Variants in SLC20A2 observed in about 807,000 individuals in gnomAD.
The protein encoded by SLC20A2 is sodium-dependent phosphate transporter 2.
In SLC20A2, 30 loss-of-function variants were observed where a neutral mutation model predicts 61.0. The observed-to-expected ratio is 0.49, with a 90% confidence interval of 0.37 to 0.67. The LOEUF is 0.67. Among genes scored for constraint, SLC20A2 ranks in the 30% least tolerant of loss-of-function variants. The pLI, the probability that SLC20A2 is intolerant of heterozygous loss-of-function variation, is 0.00. For synonymous variants in SLC20A2, 351 were observed against 353.3 expected (o/e 0.99, Z 0.07); for missense variants, 626 against 866.4 (o/e 0.72, Z 3.48).
chr8:42,492,749 C>A (rs111546809), intron 1 of SLC20A2, among the ~76,000 whole-genome samples: 4 of 151,542 alleles, frequency 2.6e-5, no homozygotes, highest in South Asian at 4.2e-4. Context: ...AGTGCAGTGG[C>A]GCCATCTCGG....
intron 1 of SLC20A2, among the ~76,000 whole-genome samples, chr8:42,517,814 C>T (rs1811405491): frequency 6.6e-6 from 1 of 152,060 alleles, no homozygotes; most frequent in Non-Finnish European, 1.5e-5. Flanking sequence ...GAGAAGACAT[C>T]CAGAAACTAA....
chr8:42,506,050 C>T (rs1407770507), upstream of SLC20A2, among the ~76,000 whole-genome samples: 1 of 152,130 alleles, frequency 6.6e-6, no homozygotes, highest in Non-Finnish European at 1.5e-5. Flanking sequence ...CAAGGATTCT[C>T]CTGCCTCAGC....
chr8:42,512,675 G>A (rs1343639337), intron 1 of SLC20A2, among the ~76,000 whole-genome samples: 1 of 152,010 alleles, frequency 6.6e-6, no homozygotes, highest in African/African-American at 2.4e-5. Context: ...TCAATAAGAT[G>A]GATAAAAATG....
chr8:42,485,968 T>C (rs1317424721), intron 1 of SLC20A2, among the ~76,000 whole-genome samples: 1 of 150,986 alleles, frequency 6.6e-6, no homozygotes, highest in African/African-American at 2.4e-5. Context: ...AAAGAAAACT[T>C]GGGGCTAGAG....
At chr8:42,518,026 C>T (rs1194358035) in intron 1 of SLC20A2, among the ~76,000 whole-genome samples, 1 of 152,166 alleles carries the variant, frequency 6.6e-6, no homozygotes, top group Admixed American at 6.5e-5. Context: ...CTGCAACCTC[C>T]GCCTCCCAGG....
intron 5 of SLC20A2, among the ~76,000 whole-genome samples, chr8:42,446,169 T>C (rs1021479372): frequency 6.6e-6 from 1 of 152,206 alleles, no homozygotes; most frequent in African/African-American, 2.4e-5. Context: ...AACTCTTCTT[T>C]GAAGCATCAA....
chr8:42,504,852 CAAAAAAAAAAAA>C (rs771127709), upstream of SLC20A2, among the ~76,000 whole-genome samples: 30 of 16,494 alleles, frequency 1.8e-3, no homozygotes, highest in East Asian at 0.01. Flanking sequence ...GACTCCGTCT[CAAAAAAAAAAAA>C]AAAAAAAAAA....
At chr8:42,535,427 G>C (rs997671475) in intron 1 of SLC20A2, 1 of 150,938 alleles carries the variant, frequency 6.6e-6, no homozygotes, top group Non-Finnish European at 1.5e-5. Flanking sequence ...TTTCAGCTAA[G>C]ACTGAAAAAT....
At chr8:42,541,374 G>C (rs1213674205) in intron 1 of SLC20A2, 1 of 147,788 alleles carries the variant, frequency 6.8e-6, no homozygotes, top group Non-Finnish European at 1.5e-5. Flanking sequence ...AGTCGGGCCG[G>C]GGGCTCGCGG....
rs1316718967 is a variant in SLC20A2, at chr8:42,437,167, C to CCTCCGCCTCGAT, written c.1333_1344dup (p.Ile445_Glu448dup). ...GCCAGCTTCATCTCCACGCCGCCCT[C>CCTCCGCCTCGAT]CTCCGCCTCGATCTCCGCCTCTGCC... On this transcript the variant is annotated inframe_insertion, in exon 8 of 11. Transcript: ENST00000520262. The surrounding 1 kb of genome is among the most constrained non-coding windows in gnomAD (Gnocchi z 6.4). 4.3e-6 allele frequency: 7 copies of CCTCCGCCTCGAT among 1,613,688 alleles called. No individual in the cohort carries two copies. Among genetic ancestry groups the CCTCCGCCTCGAT allele is most frequent in the Non-Finnish European group, 5.9e-6 (7 of 1,180,032 alleles).
In SLC20A2 at chr8:42,417,959, C is replaced by G. The variant is rs761069656; in HGVS notation, c.1803G>C (p.Ser601=). ...AGCGGATCCAGCCCACGGCCACCAC[C>G]GAGCCCACCTGTGGGAGCAGACATT... ...PVSTTHCKVG[S]VVAVGWIRSR... is the part of the protein sequence containing the mutation. The change falls in exon 11 of 11, where the codon TCG becomes TCC. Residue 601 remains serine, a synonymous_variant. Coordinates refer to ENST00000520262, the MANE Select transcript of SLC20A2 (RefSeq NM_001257180.2). The G allele has an allele frequency of 9.9e-6, 16 of 1,613,268 alleles. No homozygotes were observed. The highest frequency in any genetic ancestry group is 1.7e-5 in the Admixed American group (1 of 59,968).
intron 5 of SLC20A2, among the ~76,000 whole-genome samples, chr8:42,449,095 T>C (rs1393813264): frequency 6.6e-6 from 1 of 152,170 alleles, no homozygotes; most frequent in Non-Finnish European, 1.5e-5. Flanking sequence ...TTGACAAAAA[T>C]ACTTTCTATT....
Position 42,444,637 on chromosome 8 carries a change from G to A in SLC20A2, c.730+9C>T. On this transcript the variant is annotated intron_variant, in intron 6 of 10. Coordinates refer to ENST00000520262, the MANE Select transcript of SLC20A2 (RefSeq NM_001257180.2). ...TTTCTGTAAATCAGAAGAATTAAAA[G>A]GCCCATACCTGTTATTTTCCTCCGC... 1 of 1,599,090 alleles carries A rather than the reference G, an allele frequency of 6.3e-7. No homozygotes were observed. The highest frequency in any genetic ancestry group is 8.6e-7 in the Non-Finnish European group (1 of 1,167,054).
At chr8:42,511,494 G>A (rs1050905365) in intron 1 of SLC20A2, among the ~76,000 whole-genome samples, 4 of 152,046 alleles carry the variant, frequency 2.6e-5, no homozygotes, top group Admixed American at 6.6e-5. Flanking sequence ...GGGCGTGGTA[G>A]CGGGTGCCTG....
chr8:42,528,928 A>C (rs1812154247), intron 1 of SLC20A2, among the ~76,000 whole-genome samples: 1 of 150,854 alleles, frequency 6.6e-6, no homozygotes, highest in Non-Finnish European at 1.5e-5. Flanking sequence ...CAGCCTCCCA[A>C]AGTGCTGGGA....
intron 1 of SLC20A2, among the ~76,000 whole-genome samples, chr8:42,475,613 G>A (rs989607674): frequency 2.0e-5 from 3 of 151,878 alleles, no homozygotes; most frequent in East Asian, 1.9e-4. Context: ...GTTTCACCAC[G>A]TTGGCCAGGC....
rs531566646 is a variant in SLC20A2 at position 42,447,539 on chromosome 8, G to A, written c.614-2777C>T. Among the ~76,000 whole-genome samples the A allele has an allele frequency of 2.2e-3, 336 of 151,994 alleles. 3 individuals are homozygous for A. The highest frequency in any genetic ancestry group is 7.7e-3 in the African/African-American group (319 of 41,466). On this transcript the variant is annotated intron_variant, in intron 5 of 10. Coordinates refer to ENST00000520262, the MANE Select transcript of SLC20A2 (RefSeq NM_001257180.2). ...AAAAATACAAAAAAATTAGCCAGGC[G>A]TGGTGGTGGGCACCTGTAGTCCCAG...
At chr8:42,452,359 G>A (rs1376531832) in intron 5 of SLC20A2, among the ~76,000 whole-genome samples, 2 of 141,776 alleles carry the variant, frequency 1.4e-5, no homozygotes, top group African/African-American at 2.9e-5. Context: ...TGGAGGAAGA[G>A]GAGGAAGAGA....
upstream of SLC20A2, among the ~76,000 whole-genome samples, chr8:42,501,832 C>T (rs1810337354): frequency 6.6e-6 from 1 of 152,170 alleles, no homozygotes; most frequent in Non-Finnish European, 1.5e-5. Flanking sequence ...GGATTTAACT[C>T]CTTGGCTAGA....
Sources: gnomAD v4.1 joint callset for allele counts (sites outside exome capture counted in the v4.1 genomes callset) on GRCh38, gnomAD v4.1.1 for gene constraint, Gnocchi (gnomAD v3.1) non-coding constraint, MANE v1.5 for transcripts, NCBI Gene and HGNC (gene_info 2026-07-23, HGNC 2026-07-21) for gene names.